CNTLN: variants seen among roughly 807,000 people sequenced by gnomAD.
CNTLN encodes the protein centlein, centrosomal protein.
In CNTLN, 212 loss-of-function variants were observed where a neutral mutation model predicts 180.0. That is an observed-to-expected ratio of 1.18 (90% CI 1.05 to 1.32). CNTLN has a LOEUF of 1.32. Ranked by LOEUF, CNTLN falls within the 40% of genes most tolerant of loss-of-function variation. CNTLN has a pLI of 0.00. For missense variants in CNTLN, 2,095 were observed against 1,610.9 expected (o/e 1.30, Z -5.14); for synonymous variants, 722 against 563.1 (o/e 1.28, Z -3.99).
At position 17,342,453 on chromosome 9, in the gene CNTLN, C is replaced by T; in HGVS notation, c.1886+9C>T. 6.3e-7 allele frequency: 1 copy of T among 1,593,050 alleles called. No homozygotes were observed. The highest frequency in any genetic ancestry group is 8.5e-7 in the Non-Finnish European group (1 of 1,173,226). On this transcript the variant is annotated intron_variant, in intron 12 of 25. Coordinates refer to ENST00000380647, the MANE Select transcript of CNTLN (RefSeq NM_017738.4). ...GAGCTAATGATTCAAAAGTGAGTTT[C>T]ATTTTTAACAATATGGACTTAGATA...
chr9:17,166,848 C>T (rs536376183), intron 2 of CNTLN: 29 of 450,352 alleles, frequency 6.4e-5, no homozygotes, highest in African/African-American at 3.7e-4. Context: ...ACCACCAAAA[C>T]GAAGAATATA....
At chr9:17,340,685 C>G (rs920958896) in intron 10 of CNTLN, 142 bp from the exon 11 acceptor site, 1 of 582,902 alleles carries the variant, frequency 1.7e-6, no homozygotes, top group African/African-American at 2.0e-5. Flanking sequence ...CTTTTTTCTG[C>G]TTAAATACAT....
chr9:17,379,258 TG>T (rs1825032253), intron 13 of CNTLN, among the ~76,000 whole-genome samples: 1 of 152,018 alleles, frequency 6.6e-6, no homozygotes, highest in Admixed American at 6.6e-5. Flanking sequence ...TCCTTTTGGA[TG>T]TTTTTTTTTT....
At chr9:17,338,685 A>G (rs532740415) in intron 10 of CNTLN, among the ~76,000 whole-genome samples, 1 of 152,224 alleles carries the variant, frequency 6.6e-6, no homozygotes, top group Admixed American at 6.5e-5. Context: ...TTTTTGTTCA[A>G]AGACATTAAG....
chr9:17,447,243 C>T, intron 18 of CNTLN: 1 of 214,076 alleles, frequency 4.7e-6, no homozygotes. Flanking sequence ...TCCAACAGAG[C>T]CATGTTGCCA....
chr9:17,384,759 A>T (rs1250033782), intron 13 of CNTLN, among the ~76,000 whole-genome samples: 1 of 152,146 alleles, frequency 6.6e-6, no homozygotes, highest in East Asian at 1.9e-4. Flanking sequence ...TTTATCCCCA[A>T]TTCACTTATC....
intron 25 of CNTLN, among the ~76,000 whole-genome samples, chr9:17,488,852 T>C (rs1215317011): frequency 1.3e-5 from 2 of 152,092 alleles, no homozygotes; most frequent in African/African-American, 4.8e-5. Context: ...GGAGGTAAAT[T>C]TAATGGAGCA....
At chr9:17,142,703 T>C (rs572950140) in intron 1 of CNTLN, among the ~76,000 whole-genome samples, 1 of 152,290 alleles carries the variant, frequency 6.6e-6, no homozygotes, top group East Asian at 1.9e-4. Flanking sequence ...GATGCTTGGC[T>C]CTAACCTAAG....
intron 12 of CNTLN, among the ~76,000 whole-genome samples, chr9:17,348,348 C>T (rs764361570): frequency 1.3e-5 from 2 of 152,026 alleles, no homozygotes; most frequent in Non-Finnish European, 2.9e-5. Context: ...TTTAGCAGGC[C>T]TCTGATGATA....
At chr9:17,437,078 C>A (rs889419513) in intron 18 of CNTLN, among the ~76,000 whole-genome samples, 4 of 152,276 alleles carry the variant, frequency 2.6e-5, no homozygotes, top group Admixed American at 6.5e-5. Context: ...AGTGTAGCAA[C>A]ATTTATCCAG....
chr9:17,157,155 G>T, intron 2 of CNTLN, among the ~76,000 whole-genome samples: 1 of 152,166 alleles, frequency 6.6e-6, no homozygotes, highest in Admixed American at 6.5e-5. Flanking sequence ...CAGCCAGCAT[G>T]TTTTGAGAAG....
intron 5 of CNTLN, among the ~76,000 whole-genome samples, chr9:17,249,636 G>T (rs1826020457): frequency 6.6e-6 from 1 of 151,848 alleles, no homozygotes; most frequent in Non-Finnish European, 1.5e-5. Context: ...GGCACGAGCT[G>T]CTGCATCCAG....
the CNTLN span, among the ~76,000 whole-genome samples, chr9:17,524,173 G>A: frequency 7.9e-5 from 12 of 152,134 alleles, no homozygotes; most frequent in Non-Finnish European, 1.8e-4. Context: ...TTATATGTAT[G>A]TGCATACATA....
chr9:17,227,791 G>A (rs935525264), intron 3 of CNTLN, among the ~76,000 whole-genome samples: 4 of 151,868 alleles, frequency 2.6e-5, no homozygotes, highest in Non-Finnish European at 4.4e-5. Context: ...TGTCATAATT[G>A]GTACTATGAT....
At chr9:17,349,846 A>G (rs1822215968) in intron 12 of CNTLN, among the ~76,000 whole-genome samples, 1 of 152,212 alleles carries the variant, frequency 6.6e-6, no homozygotes, top group Non-Finnish European at 1.5e-5. Flanking sequence ...TAACAATATA[A>G]TTCAGAGCCA....
chr9:17,426,237 G>C (rs1470260286), intron 18 of CNTLN, among the ~76,000 whole-genome samples: 1 of 152,160 alleles, frequency 6.6e-6, no homozygotes, highest in East Asian at 1.9e-4. Flanking sequence ...TTCAAGAAAA[G>C]AGAAGGACCC....
Position 17,146,292 on chromosome 9 carries a change from T to C in CNTLN, c.449+2916T>C, listed in dbSNP as rs1818456233. Reference sequence around the variant, plus strand: ...TTGACCTTCTTCTCTCTTTTCTCTCTTATCTCATGTTTTCCATCTTTTTAT... The same window carrying C: ...TTGACCTTCTTCTCTCTTTTCTCTCCTATCTCATGTTTTCCATCTTTTTAT... On this transcript the variant is annotated intron_variant, in intron 2 of 25. Coordinates refer to ENST00000380647, the MANE Select transcript of CNTLN (RefSeq NM_017738.4). Among the ~76,000 whole-genome samples, 2 of 152,190 alleles carry C rather than the reference T, an allele frequency of 1.3e-5. 1 individual carries two copies. The highest frequency in any genetic ancestry group is 4.1e-4 in the South Asian group (2 of 4,832).
At chr9:17,312,705 A>G (rs1424952269) in intron 8 of CNTLN, among the ~76,000 whole-genome samples, 1 of 151,752 alleles carries the variant, frequency 6.6e-6, no homozygotes, top group Non-Finnish European at 1.5e-5. Flanking sequence ...GCCAGCCTGT[A>G]TTTTGATATT....
At chr9:17,450,243 C>T (rs1830705239) in intron 18 of CNTLN, among the ~76,000 whole-genome samples, 1 of 152,136 alleles carries the variant, frequency 6.6e-6, no homozygotes, top group African/African-American at 2.4e-5. Flanking sequence ...CCTTAAGTGT[C>T]ATGCTGTGTC....
Sources: allele counts gnomAD v4.1 joint callset (sites outside exome capture counted in the v4.1 genomes callset), GRCh38; gene constraint gnomAD v4.1.1; transcripts MANE v1.5; gene names NCBI Gene and HGNC (gene_info 2026-07-23, HGNC 2026-07-21).